Variants in DPYD observed in about 807,000 individuals in gnomAD.
The protein encoded by DPYD is dihydropyrimidine dehydrogenase, also known as dihydropyrimidine dehydrogenase [NADP(+)].
In DPYD, 109 loss-of-function variants were observed where a neutral mutation model predicts 116.2. The ratio of observed to expected loss-of-function variants is 0.94; its 90% CI spans 0.80 to 1.10. The LOEUF (loss-of-function observed/expected upper bound fraction) is 1.10, where lower values mean the gene tolerates loss of function less well. Ranked by LOEUF, DPYD falls within the 50% of genes least tolerant of loss-of-function variation. The pLI is 0.00. For synonymous variants in DPYD, 440 were observed against 432.0 expected, an observed-to-expected ratio of 1.02 and a Z score of -0.23; for missense variants, 1,302 against 1,254.5, an observed-to-expected ratio of 1.04 and a Z score of -0.57.
At chr1:97,334,175 A>G (rs1238454576) in intron 16 of DPYD, among the ~76,000 whole-genome samples, 1 of 152,206 alleles carries the variant, frequency 6.6e-6, no homozygotes, top group Non-Finnish European at 1.5e-5. Flanking sequence ...TCTCAGCACT[A>G]GTAGATTTAC....
chr1:97,234,155 C>T (rs1661755643), intron 19 of DPYD, among the ~76,000 whole-genome samples: 1 of 152,110 alleles, frequency 6.6e-6, no homozygotes. Flanking sequence ...GTCCCTAGGT[C>T]AATTCAGACT....
chr1:97,828,204 A>G lies in DPYD; in HGVS notation c.151-8T>C. 6.2e-7 allele frequency: 1 copy of G among 1,611,944 alleles called. No homozygotes were observed. Among genetic ancestry groups the G allele is most frequent in the Non-Finnish European group, 8.5e-7 (1 of 1,179,088 alleles). The stretch of plus-strand genomic sequence containing the variant: ...CTCCAGCTTCTCACAATTCTGCAAC[A>G]TATTTAAAAATTGCATTAATTCTCT... On this transcript the variant is annotated splice_polypyrimidine_tract_variant and splice_region_variant and intron_variant, in intron 2 of 22. Coordinates refer to ENST00000370192, the MANE Select transcript of DPYD (RefSeq NM_000110.4).
intron 7 of DPYD, among the ~76,000 whole-genome samples, chr1:97,683,467 G>C (rs528727629): frequency 6.6e-6 from 1 of 151,646 alleles, no homozygotes; most frequent in South Asian, 2.1e-4. Flanking sequence ...ACAAATTAAG[G>C]TAATCAATTA....
At chr1:97,613,466 A>G (rs1204382223) in intron 8 of DPYD, among the ~76,000 whole-genome samples, 1 of 152,024 alleles carries the variant, frequency 6.6e-6, no homozygotes, top group East Asian at 1.9e-4. Flanking sequence ...TCTGTTTTAC[A>G]TAAACTATTG....
At chr1:97,660,134 G>A (rs1347756451) in intron 8 of DPYD, among the ~76,000 whole-genome samples, 1 of 151,938 alleles carries the variant, frequency 6.6e-6, no homozygotes, top group Non-Finnish European at 1.5e-5. Context: ...TTTACTAATG[G>A]GGTTATTTAA....
intron 8 of DPYD, among the ~76,000 whole-genome samples, chr1:97,635,046 C>A (rs1657484374): frequency 6.6e-6 from 1 of 151,754 alleles, no homozygotes; most frequent in South Asian, 2.1e-4. Flanking sequence ...GTGTTGAAAA[C>A]AGTGAGGAGA....
chr1:97,770,191 A>C, intron 3 of DPYD, among the ~76,000 whole-genome samples: 1 of 152,344 alleles, frequency 6.6e-6, no homozygotes, highest in Middle Eastern at 3.4e-3. Flanking sequence ...TTTGGTGTAA[A>C]GATTATTATC....
chr1:97,741,390 C>T (rs960475522), intron 3 of DPYD, among the ~76,000 whole-genome samples: 1 of 152,120 alleles, frequency 6.6e-6, no homozygotes, highest in South Asian at 2.1e-4. Flanking sequence ...CTAAGAACCA[C>T]CTGGGAAGCT....
intron 4 of DPYD, among the ~76,000 whole-genome samples, chr1:97,739,354 G>GT (rs1423246040): frequency 7.2e-5 from 11 of 151,944 alleles, no homozygotes; most frequent in Non-Finnish European, 1.2e-4. Flanking sequence ...ATAAGTGAAA[G>GT]TAAGGAGGTA....
chr1:97,225,178 T>C (rs1204444860), intron 19 of DPYD, among the ~76,000 whole-genome samples: 1 of 152,082 alleles, frequency 6.6e-6, no homozygotes, highest in Admixed American at 6.5e-5. Flanking sequence ...TCCATATTGT[T>C]TTCCATAATG....
intron 2 of DPYD, among the ~76,000 whole-genome samples, chr1:97,853,362 G>A (rs1670662286): frequency 6.6e-6 from 1 of 152,086 alleles, no homozygotes; most frequent in African/African-American, 2.4e-5. Flanking sequence ...TAAACTCTCT[G>A]GGTATTGTCA....
chr1:97,677,295 T>C (rs949223362), intron 8 of DPYD, among the ~76,000 whole-genome samples: 1 of 152,200 alleles, frequency 6.6e-6, no homozygotes, highest in Non-Finnish European at 1.5e-5. Context: ...CAGATACATG[T>C]ATTAATAATT....
chr1:97,223,972 T>G (rs577648665), intron 19 of DPYD, among the ~76,000 whole-genome samples: 1 of 152,072 alleles, frequency 6.6e-6, no homozygotes, highest in Non-Finnish European at 1.5e-5. Context: ...CTCAAGAGTT[T>G]ATGAATAATT....
intron 4 of DPYD, among the ~76,000 whole-genome samples, chr1:97,737,786 C>T (rs1037938613): frequency 6.6e-6 from 1 of 152,056 alleles, no homozygotes; most frequent in African/African-American, 2.4e-5. Context: ...CACACACATA[C>T]ATGCATACAC....
At chr1:97,344,630 G>A (rs998007302) in intron 16 of DPYD, among the ~76,000 whole-genome samples, 3 of 150,936 alleles carry the variant, frequency 2.0e-5, no homozygotes, top group Admixed American at 6.6e-5. Context: ...TGATATATGC[G>A]AAAATTGCTT....
At chr1:97,893,381 CAGTGTGGA>C (rs1338545561) in intron 1 of DPYD, among the ~76,000 whole-genome samples, 24 of 140,046 alleles carry the variant, frequency 1.7e-4, no homozygotes, top group Admixed American at 6.7e-4. Context: ...ATTAATATGG[CAGTGTGGA>C]AGGGTCATGA....
chr1:97,637,505 C>T (rs368711505), intron 8 of DPYD, among the ~76,000 whole-genome samples: 3 of 150,578 alleles, frequency 2.0e-5, no homozygotes, highest in Non-Finnish European at 4.4e-5. Context: ...GTTTTCCCCC[C>T]CTCAACAACA....
chr1:97,452,675 C>T (rs963516505), intron 13 of DPYD, among the ~76,000 whole-genome samples: 2 of 152,076 alleles, frequency 1.3e-5, no homozygotes, highest in Non-Finnish European at 2.9e-5. Context: ...GTACTGTCCT[C>T]ATGATAATGA....
intron 12 of DPYD, among the ~76,000 whole-genome samples, chr1:97,544,119 T>C (rs2102064496): frequency 6.6e-6 from 1 of 152,316 alleles, no homozygotes; most frequent in Middle Eastern, 3.4e-3. Flanking sequence ...ACTGATAATC[T>C]AGAAAGATGA....
Sources: gnomAD v4.1 joint callset for allele counts (sites outside exome capture counted in the v4.1 genomes callset) on GRCh38, gnomAD v4.1.1 for gene constraint, MANE v1.5 for transcripts, NCBI Gene and HGNC (gene_info 2026-07-23, HGNC 2026-07-21) for gene names.